NKAIN3: variants seen among roughly 807,000 people sequenced by gnomAD.
The protein encoded by NKAIN3 is sodium/potassium-transporting ATPase subunit beta-1-interacting protein 3.
NKAIN3 carries 25 observed loss-of-function variants against 30.2 expected under a neutral mutation model. The observed-to-expected ratio is 0.83, with a 90% confidence interval of 0.60 to 1.16. NKAIN3 has a LOEUF of 1.16. Ranked by LOEUF, NKAIN3 falls within the 50% of genes most tolerant of loss-of-function variation. The probability of loss-of-function intolerance (pLI) is 0.00; values close to 1 mark genes in which losing one functional copy is unlikely to be tolerated. For synonymous variants in NKAIN3, 91 were observed against 89.6 expected (o/e 1.02, Z -0.09); for missense variants, 225 against 254.1 (o/e 0.89, Z 0.78).
intron 5 of NKAIN3, among the ~76,000 whole-genome samples, chr8:62,996,951 A>C (rs1293673481): frequency 6.6e-6 from 1 of 151,836 alleles, no homozygotes; most frequent in Non-Finnish European, 1.5e-5. Flanking sequence ...CAGCTTTTCC[A>C]GGCACACGGT....
chr8:62,584,157 C>G (rs959694824), intron 2 of NKAIN3, among the ~76,000 whole-genome samples: 1 of 152,076 alleles, frequency 6.6e-6, no homozygotes, highest in Non-Finnish European at 1.5e-5. Context: ...TTTTTCATTG[C>G]AAGAGATTTT....
chr8:62,719,871 C>G (rs1198158423), intron 3 of NKAIN3, among the ~76,000 whole-genome samples: 1 of 150,868 alleles, frequency 6.6e-6, no homozygotes, highest in Non-Finnish European at 1.5e-5. Flanking sequence ...ATTCTCCTGC[C>G]TCAGCCTCCC....
At chr8:62,910,513 G>A (rs1821898218) in intron 4 of NKAIN3, among the ~76,000 whole-genome samples, 1 of 152,122 alleles carries the variant, frequency 6.6e-6, no homozygotes, top group African/African-American at 2.4e-5. Context: ...CTAGAAGAAA[G>A]TGTGCATTAA....
At chr8:62,679,992 C>T (rs1813601251) in intron 3 of NKAIN3, among the ~76,000 whole-genome samples, 2 of 152,042 alleles carry the variant, frequency 1.3e-5, no homozygotes, top group South Asian at 4.1e-4. Flanking sequence ...CCTTTAAAAG[C>T]AGAGAATGTC....
rs1818810760 is a variant in NKAIN3, at chr8:62,820,287, A to G, written c.471+73158A>G. Among the ~76,000 whole-genome samples, 4 of 152,244 alleles carry G rather than the reference A, an allele frequency of 2.6e-5. No homozygotes were observed. The South Asian group carries it at 8.3e-4, about 32-fold the overall frequency. On this transcript the variant is annotated intron_variant, in intron 4 of 6. Transcript: ENST00000623646. ...CTGGCATCAGGGGAATCAATGAGGA[A>G]CCTTTTTTAATAGTATAAACAATAG...
In NKAIN3 at chr8:62,345,948, G is replaced by C. The variant is rs114657447; in HGVS notation, c.54+96821G>C. On this transcript the variant is annotated intron_variant, in intron 1 of 6. Transcript: ENST00000623646. ...CATAGATGAAACTAGAGAACATTAT[G>C]TAAGTGAAGCAAGCCAGGCACAGAA... 7.5e-3 allele frequency among the ~76,000 whole-genome samples: 1,143 copies of C among 152,132 alleles called. 17 individuals carry two copies. Among genetic ancestry groups the C allele is most frequent in the African/African-American group, 0.026 (1,089 of 41,520 alleles).
At chr8:62,365,803 G>A (rs1389342923) in intron 1 of NKAIN3, among the ~76,000 whole-genome samples, 1 of 151,966 alleles carries the variant, frequency 6.6e-6, no homozygotes, top group South Asian at 2.1e-4. Context: ...TGAGTGTGAA[G>A]TGATATCCAG....
intron 3 of NKAIN3, among the ~76,000 whole-genome samples, chr8:62,656,864 T>C (rs1812778139): frequency 6.6e-6 from 1 of 152,162 alleles, no homozygotes; most frequent in Non-Finnish European, 1.5e-5. Flanking sequence ...GATACACTTA[T>C]GAACAAGGAA....
chr8:62,909,455 C>A (rs539495370), intron 4 of NKAIN3, among the ~76,000 whole-genome samples: 2 of 152,132 alleles, frequency 1.3e-5, no homozygotes, highest in East Asian at 3.9e-4. Context: ...TTATTAAAAG[C>A]AGAGATAATC....
chr8:62,460,241 G>A (rs924615508), intron 1 of NKAIN3, among the ~76,000 whole-genome samples: 7 of 151,628 alleles, frequency 4.6e-5, no homozygotes, highest in African/African-American at 9.7e-5. Flanking sequence ...GCGAAACCCC[G>A]TCTCTACTAA....
intron 5 of NKAIN3, among the ~76,000 whole-genome samples, chr8:62,950,854 G>T (rs931358632): frequency 2.0e-5 from 3 of 151,018 alleles, no homozygotes; most frequent in Non-Finnish European, 4.4e-5. Context: ...GTTGTATTAG[G>T]CAAATCTAGA....
chr8:62,856,573 T>C, intron 4 of NKAIN3: 1 of 785,696 alleles, frequency 1.3e-6, no homozygotes, highest in Non-Finnish European at 2.3e-6. Context: ...GCCATGGGGT[T>C]GTCTTCATTG....
intron 1 of NKAIN3, among the ~76,000 whole-genome samples, chr8:62,527,743 T>G (rs971394987): frequency 6.6e-6 from 1 of 152,174 alleles, no homozygotes; most frequent in African/African-American, 2.4e-5. Context: ...TAATCAGAAG[T>G]GTTCATGCTT....
chr8:62,755,988 T>C (rs970508714), intron 4 of NKAIN3, among the ~76,000 whole-genome samples: 9 of 152,178 alleles, frequency 5.9e-5, no homozygotes, highest in African/African-American at 1.9e-4. Flanking sequence ...GAACTGTCCA[T>C]TTAGTGAGCT....
downstream of NKAIN3, among the ~76,000 whole-genome samples, chr8:62,986,030 T>C (rs1029333297): frequency 6.6e-6 from 1 of 152,244 alleles, no homozygotes; most frequent in African/African-American, 2.4e-5. Context: ...ATTGCTGATA[T>C]GACTGCCTTT....
At chr8:62,348,038 TTTTA>T (rs1816061006) in intron 1 of NKAIN3, among the ~76,000 whole-genome samples, 1 of 152,148 alleles carries the variant, frequency 6.6e-6, no homozygotes, top group Non-Finnish European at 1.5e-5. Flanking sequence ...TTTTTTATTG[TTTTA>T]TTTATTATCA....
intron 4 of NKAIN3, among the ~76,000 whole-genome samples, chr8:62,770,105 A>T (rs1302075746): frequency 6.6e-6 from 1 of 152,186 alleles, no homozygotes; most frequent in East Asian, 1.9e-4. Flanking sequence ...TATTCCCATG[A>T]TTATTTTACA....
At chr8:62,454,963 T>C (rs550189143) in intron 1 of NKAIN3, among the ~76,000 whole-genome samples, 2 of 152,310 alleles carry the variant, frequency 1.3e-5, no homozygotes, top group Non-Finnish European at 2.9e-5. Flanking sequence ...TCAAGTGAAG[T>C]TGGCACATGC....
intron 1 of NKAIN3, among the ~76,000 whole-genome samples, chr8:62,320,258 C>T (rs926122823): frequency 4.6e-5 from 7 of 152,116 alleles, no homozygotes; most frequent in African/African-American, 9.7e-5. Flanking sequence ...CTGAATACAG[C>T]GCACTGATGG....
Sources: allele counts gnomAD v4.1 joint callset (sites outside exome capture counted in the v4.1 genomes callset), GRCh38; gene constraint gnomAD v4.1.1; transcripts MANE v1.5; gene names NCBI Gene and HGNC (gene_info 2026-07-23, HGNC 2026-07-21).